Variants in AGBL4 observed in about 807,000 individuals in gnomAD.
AGBL4 encodes the protein AGBL carboxypeptidase 4.
In AGBL4, 58 loss-of-function variants were observed where a neutral mutation model predicts 66.4. The ratio of observed to expected loss-of-function variants is 0.87; its 90% CI spans 0.71 to 1.09. The LOEUF is 1.09. Among genes scored for constraint, AGBL4 ranks in the 50% least tolerant of loss-of-function variants. AGBL4 has a pLI of 0.00. For synonymous variants in AGBL4, 234 were observed against 222.9 expected (o/e 1.05, Z -0.44); for missense variants, 579 against 631.0 (o/e 0.92, Z 0.88).
At chr1:48,914,326 TA>T (rs1471161002) in intron 5 of AGBL4, among the ~76,000 whole-genome samples, 1 of 152,054 alleles carries the variant, frequency 6.6e-6, no homozygotes, top group Non-Finnish European at 1.5e-5. Flanking sequence ...GCAGTGTCAT[TA>T]AAAAAACAGA....
In AGBL4 at chr1:49,063,795, G is replaced by A. The variant is rs1644444413; in HGVS notation, c.378-17995C>T. Among the ~76,000 whole-genome samples the A allele has an allele frequency of 3.3e-5, 5 of 152,298 alleles. No homozygotes were observed. The South Asian group carries it at 1.0e-3, about 32-fold the overall frequency. ...AAGGAGTAGGCCTGTTGGATTTCTG[G>A]AGGAAGACTGTTGCATGCGGAGGGA... is the stretch of plus-strand genomic sequence containing the variant. On this transcript the variant is annotated intron_variant, in intron 4 of 13. Transcript: ENST00000371839.
chr1:48,790,569 C>T (rs1301576231), intron 6 of AGBL4, among the ~76,000 whole-genome samples: 1 of 152,058 alleles, frequency 6.6e-6, no homozygotes, highest in Non-Finnish European at 1.5e-5. Context: ...AAACTGAGGC[C>T]AGAAGGATGA....
intron 5 of AGBL4, among the ~76,000 whole-genome samples, chr1:48,965,214 G>C (rs1053515571): frequency 3.9e-5 from 6 of 152,154 alleles, no homozygotes; most frequent in Admixed American, 2.6e-4. Context: ...CAGGGATACA[G>C]GATTGCAAAG....
rs1245998023 is a variant in AGBL4 at position 49,187,361 on chromosome 1, G to T, written c.377+58409C>A. ...GTGCATCACAACACACTGCACTGTT[G>T]TAAGAATGAATATTCAAATAGGAAT... is the stretch of plus-strand genomic sequence containing the variant. On this transcript the variant is annotated intron_variant, in intron 4 of 13. Transcript: ENST00000371839. 3.3e-5 allele frequency: 5 copies of T among 152,248 alleles called. No homozygotes were observed. In the South Asian group the frequency reaches 1.0e-3, roughly 32 times the overall value. 9.4% of individuals were successfully genotyped at this position (152,248 alleles called of 1,614,324 possible).
At chr1:49,923,668 C>T (rs1164692515) in intron 1 of AGBL4, among the ~76,000 whole-genome samples, 1 of 152,064 alleles carries the variant, frequency 6.6e-6, no homozygotes, top group African/African-American at 2.4e-5. Flanking sequence ...TGAACAGACA[C>T]TTCTCAAAAG....
intron 3 of AGBL4, among the ~76,000 whole-genome samples, chr1:49,280,240 C>T (rs959589433): frequency 4.6e-5 from 7 of 152,030 alleles, no homozygotes; most frequent in East Asian, 1.9e-4. Context: ...CACCACTTAC[C>T]GCAAACTACT....
chr1:49,490,278 T>C (rs985127623), intron 3 of AGBL4, among the ~76,000 whole-genome samples: 4 of 151,808 alleles, frequency 2.6e-5, no homozygotes, highest in Non-Finnish European at 5.9e-5. Flanking sequence ...GAGATGAACA[T>C]ATTGATTTTG....
At chr1:49,991,220 C>G (rs1263187769) in intron 1 of AGBL4, among the ~76,000 whole-genome samples, 1 of 151,970 alleles carries the variant, frequency 6.6e-6, no homozygotes, top group East Asian at 1.9e-4. Context: ...TTAAAATCAT[C>G]AATTATTAAT....
At chr1:49,091,475 A>C (rs538493) in intron 4 of AGBL4, among the ~76,000 whole-genome samples, 102,646 of 151,860 alleles carry the variant, frequency 0.68, 35,307 homozygotes, top group African/African-American at 0.75. Context: ...AAAGGCAAAT[A>C]AAAATCACAA....
At chr1:49,215,006 T>C (rs1193131295) in intron 4 of AGBL4, among the ~76,000 whole-genome samples, 2 of 152,120 alleles carry the variant, frequency 1.3e-5, no homozygotes, top group Non-Finnish European at 2.9e-5. Flanking sequence ...ATGAAACAGT[T>C]GTGATAGAAA....
At chr1:49,346,749 ATCTT>A (rs1164072599) in intron 3 of AGBL4, among the ~76,000 whole-genome samples, 2 of 152,162 alleles carry the variant, frequency 1.3e-5, no homozygotes, top group Non-Finnish European at 2.9e-5. Context: ...CAGAAGATAG[ATCTT>A]CATCCTTCTA....
chr1:49,772,075 C>T (rs1644077261), intron 2 of AGBL4, among the ~76,000 whole-genome samples: 1 of 151,866 alleles, frequency 6.6e-6, no homozygotes. Context: ...TAGTTATTTA[C>T]TTTTGTGGTT....
chr1:49,563,647 C>A (rs1644113147), intron 3 of AGBL4, among the ~76,000 whole-genome samples: 1 of 152,130 alleles, frequency 6.6e-6, no homozygotes, highest in Admixed American at 6.6e-5. Context: ...CCTTGCATCC[C>A]AGGGATGAAG....
chr1:48,600,009 A>G (rs143631802), intron 9 of AGBL4, among the ~76,000 whole-genome samples: 432 of 152,310 alleles, frequency 2.8e-3, no homozygotes, highest in Admixed American at 5.4e-3. Flanking sequence ...GAGACCGTGG[A>G]GTGGTCAGAG....
chr1:49,406,732 A>G (rs1645207551), intron 3 of AGBL4, among the ~76,000 whole-genome samples: 1 of 151,802 alleles, frequency 6.6e-6, no homozygotes, highest in Admixed American at 6.6e-5. Context: ...TTAATCTGGC[A>G]TTTTTTTTCT....
intron 4 of AGBL4, among the ~76,000 whole-genome samples, chr1:49,184,047 G>C (rs1430333446): frequency 6.6e-6 from 1 of 152,108 alleles, no homozygotes; most frequent in Non-Finnish European, 1.5e-5. Flanking sequence ...CAAATCTTTT[G>C]ATCTTTAGCA....
intron 3 of AGBL4, among the ~76,000 whole-genome samples, chr1:49,597,984 C>T (rs1425791614): frequency 6.6e-6 from 1 of 152,148 alleles, no homozygotes; most frequent in Non-Finnish European, 1.5e-5. Context: ...TGACTTCCTC[C>T]CTTCTTATGT....
At chr1:48,677,175 G>A (rs867609283) in intron 6 of AGBL4, among the ~76,000 whole-genome samples, 16 of 152,142 alleles carry the variant, frequency 1.1e-4, no homozygotes, top group African/African-American at 3.9e-4. Context: ...AAGAGAACAT[G>A]CCTACATCAA....
At chr1:49,453,952 C>T (rs1232305044) in intron 3 of AGBL4, among the ~76,000 whole-genome samples, 1 of 151,746 alleles carries the variant, frequency 6.6e-6, no homozygotes, top group African/African-American at 2.4e-5. Flanking sequence ...ATGACCAGTC[C>T]ATGGGCATTC....
Sources: gnomAD v4.1 joint callset for allele counts (sites outside exome capture counted in the v4.1 genomes callset) on GRCh38, gnomAD v4.1.1 for gene constraint, MANE v1.5 for transcripts, NCBI Gene and HGNC (gene_info 2026-07-23, HGNC 2026-07-21) for gene names.